GLT1D1: variants seen among roughly 807,000 people sequenced by gnomAD.
The protein encoded by GLT1D1 is glycosyltransferase 1 domain containing 1.
In GLT1D1, 21 loss-of-function variants were observed where a neutral mutation model predicts 28.7. That is an observed-to-expected ratio of 0.73 (90% CI 0.52 to 1.05). The LOEUF (loss-of-function observed/expected upper bound fraction) is 1.05. Among genes scored for constraint, GLT1D1 ranks in the 50% least tolerant of loss-of-function variants. GLT1D1 has a pLI of 0.00. For missense variants in GLT1D1, 343 were observed against 330.6 expected, an observed-to-expected ratio of 1.04 and a Z score of -0.29; for synonymous variants, 147 against 124.8, an observed-to-expected ratio of 1.18 and a Z score of -1.19.
At chr12:128,959,421 CG>C (rs1331322937) in intron 7 of GLT1D1, among the ~76,000 whole-genome samples, 1 of 9,942 alleles carries the variant, frequency 1.0e-4, no homozygotes, top group Non-Finnish European at 1.7e-4. Context: ...TGGGGGGGGA[CG>C]GGTGGGGAGG....
At chr12:128,911,275 C>T (rs753859355) in intron 4 of GLT1D1, among the ~76,000 whole-genome samples, 1 of 152,222 alleles carries the variant, frequency 6.6e-6, no homozygotes, top group Non-Finnish European at 1.5e-5. Flanking sequence ...CAAACCTTCC[C>T]AGGCTTGGGG....
chr12:128,914,579 G>A (rs1871897480), intron 4 of GLT1D1, among the ~76,000 whole-genome samples: 1 of 152,114 alleles, frequency 6.6e-6, no homozygotes, highest in African/African-American at 2.4e-5. Flanking sequence ...CAGCACTTTG[G>A]GAGGCTGAGG....
At chr12:128,944,769 T>G in intron 4 of GLT1D1, 1 of 479,752 alleles carries the variant, frequency 2.1e-6, no homozygotes, top group East Asian at 4.5e-5. Flanking sequence ...CCTTGGTCAA[T>G]GAAAGCCTTG....
chr12:128,957,034 A>C (rs1487184815), intron 6 of GLT1D1, among the ~76,000 whole-genome samples: 3 of 152,254 alleles, frequency 2.0e-5, no homozygotes, highest in Non-Finnish European at 2.9e-5. Context: ...GGCATCAGGC[A>C]CATATCTCCA....
chr12:128,925,911 C>T (rs982794165), intron 4 of GLT1D1, among the ~76,000 whole-genome samples: 6 of 152,020 alleles, frequency 3.9e-5, no homozygotes, highest in East Asian at 1.9e-4. Context: ...AGAGTAGGGG[C>T]GGGGTGTGGT....
intron 4 of GLT1D1, among the ~76,000 whole-genome samples, chr12:128,920,928 T>C (rs1872605311): frequency 6.6e-6 from 1 of 152,192 alleles, no homozygotes; most frequent in Non-Finnish European, 1.5e-5. Flanking sequence ...GTCAGGTATG[T>C]GCCCTGTCTC....
intron 2 of GLT1D1, among the ~76,000 whole-genome samples, chr12:128,887,163 C>T (rs923940578): frequency 3.3e-5 from 5 of 151,890 alleles, no homozygotes; most frequent in Non-Finnish European, 7.4e-5. Flanking sequence ...AGGTGTGCCC[C>T]ACCACACCTG....
At chr12:128,857,439 T>C (rs982134491) in intron 1 of GLT1D1, among the ~76,000 whole-genome samples, 12 of 152,174 alleles carry the variant, frequency 7.9e-5, no homozygotes, top group African/African-American at 2.9e-4. Flanking sequence ...GCGTTTGTTG[T>C]CCTTCACCTC....
intron 4 of GLT1D1, among the ~76,000 whole-genome samples, chr12:128,922,233 C>A (rs1476010868): frequency 6.6e-6 from 1 of 151,754 alleles, no homozygotes. Flanking sequence ...GGCTTCCTCC[C>A]CTAGTTAAAC....
At chr12:128,970,684 C>G (rs1192534854) in intron 7 of GLT1D1, among the ~76,000 whole-genome samples, 1 of 152,250 alleles carries the variant, frequency 6.6e-6, no homozygotes, top group Non-Finnish European at 1.5e-5. Context: ...CCGAGCTGCG[C>G]CCACGGCTGG....
At chr12:128,952,559 C>T (rs926418081) in intron 6 of GLT1D1, among the ~76,000 whole-genome samples, 10 of 151,614 alleles carry the variant, frequency 6.6e-5, no homozygotes, top group Admixed American at 2.0e-4. Context: ...CTCCACCTCC[C>T]AGGTTCAAGT....
intron 1 of GLT1D1, 36 bp downstream of exon 1, chr12:128,853,685 C>T (rs1258257414): frequency 1.3e-5 from 14 of 1,060,912 alleles, no homozygotes; most frequent in Middle Eastern, 4.2e-4. Flanking sequence ...GAAGCCTGGG[C>T]CGGGGGCCGG....
At chr12:128,952,886 C>T (rs1476194335) in intron 6 of GLT1D1, among the ~76,000 whole-genome samples, 1 of 138,128 alleles carries the variant, frequency 7.2e-6, no homozygotes, top group East Asian at 2.3e-4. Context: ...TCAAGTGATT[C>T]TTGTGCCTTA....
intron 6 of GLT1D1, among the ~76,000 whole-genome samples, chr12:128,955,258 G>T (rs919198687): frequency 2.6e-5 from 4 of 152,132 alleles, no homozygotes; most frequent in African/African-American, 7.2e-5. Flanking sequence ...CTTCACCCAC[G>T]TTCATCCTCC....
intron 7 of GLT1D1, among the ~76,000 whole-genome samples, chr12:128,968,417 T>C (rs1233016629): frequency 6.6e-6 from 1 of 151,186 alleles, no homozygotes; most frequent in African/African-American, 2.4e-5. Context: ...ACGCCTGTCA[T>C]CCCAGCACTT....
intron 7 of GLT1D1, among the ~76,000 whole-genome samples, chr12:128,973,014 G>A (rs1390624592): frequency 6.6e-6 from 1 of 152,040 alleles, no homozygotes; most frequent in Non-Finnish European, 1.5e-5. Flanking sequence ...CCTCCTAACT[G>A]AAACTTCGGA....
At chr12:128,872,077 A>T (rs1321835947) in intron 1 of GLT1D1, among the ~76,000 whole-genome samples, 1 of 151,994 alleles carries the variant, frequency 6.6e-6, no homozygotes, top group East Asian at 1.9e-4. Context: ...TCAGCCTCCC[A>T]AGTAGCTGGG....
At position 128,971,483 on chromosome 12, in the gene GLT1D1, CCTCT is replaced by C. The variant is rs374595585; in HGVS notation, c.640-11441_640-11438del. On this transcript the variant is annotated intron_variant, in intron 7 of 7. Transcript: ENST00000281703. The stretch of plus-strand genomic sequence containing the variant: ...ATCCCTCCCTCTGCCTCCCTCCCTC[CCTCT>C]CTCTACCTCCCTCCCTCTCTCCCTT... Among the ~76,000 whole-genome samples the C allele has an allele frequency of 4.6e-4, 50 of 108,866 alleles. 1 individual carries two copies. The highest frequency in any genetic ancestry group is 1.9e-3 in the East Asian group (5 of 2,622). 71.4% of individuals were successfully genotyped at this position (108,866 alleles called of 152,430 possible).
intron 4 of GLT1D1, chr12:128,930,593 G>A (rs1309551989): frequency 6.6e-6 from 1 of 152,252 alleles, no homozygotes; most frequent in Non-Finnish European, 1.5e-5. Context: ...AAGAACCCCT[G>A]CTGGAGATGA....
Sources: gnomAD v4.1 joint callset for allele counts (sites outside exome capture counted in the v4.1 genomes callset) on GRCh38, gnomAD v4.1.1 for gene constraint, MANE v1.5 for transcripts, NCBI Gene and HGNC (gene_info 2026-07-23, HGNC 2026-07-21) for gene names.